Variants in SMYD3 observed in about 807,000 individuals in gnomAD.
SMYD3 encodes the protein histone-lysine N-methyltransferase SMYD3.
Under a neutral mutation model 57.7 loss-of-function variants are expected in SMYD3, and 36 were observed. The observed-to-expected ratio is 0.62, with a 90% CI of 0.48 to 0.82. The LOEUF is 0.82. Among genes scored for constraint, SMYD3 ranks in the 40% least tolerant of loss-of-function variants. The probability of loss-of-function intolerance (pLI) is 0.00; values close to 1 mark genes in which losing one functional copy is unlikely to be tolerated. For missense variants in SMYD3, 515 were observed against 538.8 expected, an observed-to-expected ratio of 0.96 and a Z score of 0.44; for synonymous variants, 211 against 195.0, an observed-to-expected ratio of 1.08 and a Z score of -0.68.
intron 5 of SMYD3, among the ~76,000 whole-genome samples, chr1:245,954,176 T>C (rs576301639): frequency 6.6e-6 from 1 of 152,362 alleles, no homozygotes; most frequent in South Asian, 2.1e-4. Flanking sequence ...TTAGTCCTTA[T>C]ACCATTTGCC....
At chr1:246,301,365 A>G (rs1270508339) in intron 5 of SMYD3, among the ~76,000 whole-genome samples, 1 of 151,856 alleles carries the variant, frequency 6.6e-6, no homozygotes, top group Non-Finnish European at 1.5e-5. Context: ...CTGTGATAAA[A>G]GACAGGATGA....
chr1:245,776,920 C>T (rs143938077), intron 10 of SMYD3, among the ~76,000 whole-genome samples: 2 of 152,326 alleles, frequency 1.3e-5, no homozygotes, highest in East Asian at 3.9e-4. Context: ...ATATTGTCCA[C>T]AGCTGCTTTC....
chr1:245,786,688 C>G (rs2047060378), intron 10 of SMYD3, among the ~76,000 whole-genome samples: 1 of 150,870 alleles, frequency 6.6e-6, no homozygotes, highest in Non-Finnish European at 1.5e-5. Context: ...CAGGAGTTCA[C>G]ACGTGAAGCC....
chr1:245,808,247 T>C (rs1176295241), intron 10 of SMYD3, among the ~76,000 whole-genome samples: 1 of 152,176 alleles, frequency 6.6e-6, no homozygotes, highest in Non-Finnish European at 1.5e-5. Context: ...GATGGCATAC[T>C]TGTTTCTTTG....
intron 5 of SMYD3, among the ~76,000 whole-genome samples, chr1:246,247,454 T>TATATATATATATATATATATATA (rs2063724169): frequency 1.1e-5 from 1 of 91,552 alleles, no homozygotes; most frequent in African/African-American, 4.1e-5. Context: ...ACTCTCTCTC[T>TATATATATATATATATATATATA]CTCTCTCTCT....
chr1:246,222,104 A>G (rs2063264631), intron 5 of SMYD3, among the ~76,000 whole-genome samples: 1 of 152,164 alleles, frequency 6.6e-6, no homozygotes, highest in South Asian at 2.1e-4. Flanking sequence ...TCATTCTCAG[A>G]GCAACCCAAA....
intron 1 of SMYD3, among the ~76,000 whole-genome samples, chr1:246,463,833 CAAAAAA>C (rs35826530): frequency 0.016 from 1,134 of 70,494 alleles, 24 homozygotes; most frequent in African/African-American, 0.066. Flanking sequence ...GACCCCGTCT[CAAAAAA>C]AAAAAAAAAA....
rs776656340 is a variant in SMYD3, at chr1:245,937,530, C to T, written c.532-7593G>A. Among the ~76,000 whole-genome samples the T allele has an allele frequency of 8.5e-5, 13 of 152,310 alleles. 1 individual carries two copies. Among genetic ancestry groups the T allele is most frequent in the South Asian group, 4.1e-4 (2 of 4,824 alleles). Reference sequence around the variant, plus strand: ...ACTTACCACAGATGTCTGTCAAATACGTAGAGAAGGTATAAAGCTCTGACA... The same window carrying T: ...ACTTACCACAGATGTCTGTCAAATATGTAGAGAAGGTATAAAGCTCTGACA... On this transcript the variant is annotated intron_variant, in intron 5 of 11. Transcript: ENST00000490107.
At chr1:246,046,188 C>A (rs138041402) in intron 5 of SMYD3, among the ~76,000 whole-genome samples, 1 of 152,048 alleles carries the variant, frequency 6.6e-6, no homozygotes, top group Non-Finnish European at 1.5e-5. Flanking sequence ...ATGTTTATTG[C>A]GGCACTATTC....
At chr1:246,283,809 G>C (rs769859208) in intron 5 of SMYD3, among the ~76,000 whole-genome samples, 1 of 152,094 alleles carries the variant, frequency 6.6e-6, no homozygotes, top group African/African-American at 2.4e-5. Flanking sequence ...TGACACAACC[G>C]AGTCATAAAC....
intron 5 of SMYD3, among the ~76,000 whole-genome samples, chr1:246,082,514 C>G (rs1317198693): frequency 6.6e-6 from 1 of 152,106 alleles, no homozygotes; most frequent in East Asian, 1.9e-4. Flanking sequence ...AACCAATCAG[C>G]AGCACACATT....
chr1:246,171,480 C>T (rs2062332260), intron 5 of SMYD3, among the ~76,000 whole-genome samples: 1 of 152,098 alleles, frequency 6.6e-6, no homozygotes, highest in Non-Finnish European at 1.5e-5. Context: ...TTAACAGAGA[C>T]ACCTGCCAAG....
At chr1:245,802,546 C>A (rs1404045599) in intron 10 of SMYD3, among the ~76,000 whole-genome samples, 2 of 152,144 alleles carry the variant, frequency 1.3e-5, no homozygotes, top group African/African-American at 4.8e-5. Context: ...AGGAGTATTG[C>A]AGTACTAGAG....
At chr1:246,100,532 A>G (rs1039699101) in intron 5 of SMYD3, among the ~76,000 whole-genome samples, 15 of 152,144 alleles carry the variant, frequency 9.9e-5, no homozygotes, top group Non-Finnish European at 1.8e-4. Context: ...CTCCTCCCTG[A>G]CTGCTTGCTG....
chr1:245,831,431 G>A (rs2049828296), intron 10 of SMYD3, among the ~76,000 whole-genome samples: 1 of 152,190 alleles, frequency 6.6e-6, no homozygotes, highest in Non-Finnish European at 1.5e-5. Flanking sequence ...GGTAAACCAG[G>A]TACCTGGGTA....
At chr1:246,305,218 CAAT>C (rs910496081) in intron 5 of SMYD3, among the ~76,000 whole-genome samples, 54 of 152,232 alleles carry the variant, frequency 3.5e-4, no homozygotes, top group African/African-American at 8.9e-4. Flanking sequence ...TTCAGTGAAA[CAAT>C]GATTAAAGAT....
At chr1:246,485,678 A>C (rs2068177520) in intron 1 of SMYD3, among the ~76,000 whole-genome samples, 1 of 152,094 alleles carries the variant, frequency 6.6e-6, no homozygotes. Flanking sequence ...CTGTAGTCCC[A>C]GCTATTTGGG....
chr1:245,750,519 C>T (rs1209843623), intron 11 of SMYD3, among the ~76,000 whole-genome samples: 1 of 152,218 alleles, frequency 6.6e-6, no homozygotes, highest in Non-Finnish European at 1.5e-5. Flanking sequence ...CCAGATGAAA[C>T]ACCAGACATT....
At chr1:246,206,788 T>C (rs1017443279) in intron 5 of SMYD3, among the ~76,000 whole-genome samples, 3 of 152,170 alleles carry the variant, frequency 2.0e-5, no homozygotes, top group African/African-American at 7.2e-5. Context: ...TCTGAAAAAG[T>C]TGGGAAAACT....
Sources: allele counts gnomAD v4.1 joint callset (sites outside exome capture counted in the v4.1 genomes callset), GRCh38; gene constraint gnomAD v4.1.1; transcripts MANE v1.5; gene names NCBI Gene and HGNC (gene_info 2026-07-23, HGNC 2026-07-21).